The following IGSF5 variants were observed in gnomAD, a reference collection of about 807,000 sequenced individuals.
The protein encoded by IGSF5 is immunoglobulin superfamily member 5.
A neutral mutation model predicts 39.4 loss-of-function variants in IGSF5; 41 were observed. The observed-to-expected ratio is 1.04, with a 90% CI of 0.81 to 1.35. The LOEUF is 1.35. Ranked by LOEUF, IGSF5 falls within the 40% of genes most tolerant of loss-of-function variation. IGSF5 has a pLI of 0.00. For missense variants in IGSF5, 487 were observed against 494.6 expected (o/e 0.98, Z 0.15); for synonymous variants, 183 against 175.3 (o/e 1.04, Z -0.34).
the IGSF5 span, among the ~76,000 whole-genome samples, chr21:39,713,290 A>G: frequency 2.0e-5 from 3 of 152,308 alleles, no homozygotes; most frequent in East Asian, 3.9e-4. Context: ...CTGGTGCTCC[A>G]TCATGAGAAT....
rs1346542415 is a variant in IGSF5 at position 39,765,567 on chromosome 21, C to T, written c.133C>T (p.Pro45Ser). Residue 45 changes from proline (P) to serine (S), a missense_variant, in exon 3 of 9, where the codon CCC (proline) becomes TCC (serine). Transcript: ENST00000380588. ...SGSGNEVIEG[P>S]QNARVLKGSQ... ...GTCTGGTAATGAAGTCATAGAAGGC[C>T]CCCAAAATGCAAGAGTCCTGAAGGG... The T allele has an allele frequency of 3.1e-6, 5 of 1,613,860 alleles. No homozygotes were observed. Among genetic ancestry groups the T allele is most frequent in the African/African-American group, 1.3e-5 (1 of 74,992 alleles).
intron 6 of IGSF5, 127 bp downstream of exon 6, chr21:39,788,315 A>G (rs456818): frequency 0.8 from 543,363 of 681,170 alleles, 217,693 homozygotes; most frequent in Admixed American, 0.86. Context: ...ATTAAGTACC[A>G]GAGGTAGACA....
chr21:39,723,372 T>C, the IGSF5 span, among the ~76,000 whole-genome samples: 2 of 152,156 alleles, frequency 1.3e-5, no homozygotes, highest in African/African-American at 4.8e-5. Flanking sequence ...GTGCACCTGC[T>C]GAGAAGGGAA....
At position 39,779,303 on chromosome 21, in the gene IGSF5, G is replaced by A; in HGVS notation, c.932G>A (p.Arg311Lys). ...TGTTGTTTCTGCTGTAGAAGAAAAA[G>A]AGGTAATTTTTTTGTTCATTTACAT... Reference protein sequence around the residue: ...CRCCFCCRRKRGFRIQFQKKS... With the variant: ...CRCCFCCRRKKGFRIQFQKKS... Residue 311 changes from arginine (R) to lysine (K), a missense_variant and splice_region_variant, in exon 5 of 9, where the codon AGA becomes AAA. By Grantham distance (26) the Arg-to-Lys change is conservative. Transcript: ENST00000380588. 1 of 1,611,386 alleles carries A rather than the reference G, an allele frequency of 6.2e-7. No individual in the cohort carries two copies. Among genetic ancestry groups the A allele is most frequent in the Non-Finnish European group, 8.5e-7 (1 of 1,178,240 alleles).
At chr21:39,746,461 A>C (rs375789497) in intron 2 of IGSF5, among the ~76,000 whole-genome samples, 163 bp downstream of exon 2, 1 of 152,204 alleles carries the variant, frequency 6.6e-6, no homozygotes, top group Non-Finnish European at 1.5e-5. Context: ...CTTTTTCTCA[A>C]TTATCTTCAG....
At chr21:39,763,197 A>G (rs1472166748) in intron 2 of IGSF5, among the ~76,000 whole-genome samples, 2 of 152,174 alleles carry the variant, frequency 1.3e-5, no homozygotes, top group East Asian at 3.9e-4. Flanking sequence ...TTGTTCTAGC[A>G]AGGACATTAA....
intron 5 of IGSF5, among the ~76,000 whole-genome samples, chr21:39,783,316 T>A (rs143713069): frequency 6.6e-4 from 101 of 152,322 alleles, no homozygotes; most frequent in African/African-American, 2.3e-3. Context: ...ACTGTACTAA[T>A]TTACATTCCC....
intron 2 of IGSF5, among the ~76,000 whole-genome samples, chr21:39,759,877 A>C (rs2080052861): frequency 6.6e-6 from 1 of 151,676 alleles, no homozygotes; most frequent in Non-Finnish European, 1.5e-5. Flanking sequence ...AAAAAAAAAA[A>C]AAAAAAAGCT....
At chr21:39,774,955 A>G (rs73217286) in intron 4 of IGSF5, among the ~76,000 whole-genome samples, 13,143 of 152,272 alleles carry the variant, frequency 0.086, 617 homozygotes, top group South Asian at 0.16. Context: ...GGAGAAGAAT[A>G]GAGAAGTCCT....
chr21:39,793,305 T>G (rs1241089315), intron 7 of IGSF5, among the ~76,000 whole-genome samples: 2 of 152,206 alleles, frequency 1.3e-5, no homozygotes, highest in African/African-American at 4.8e-5. Flanking sequence ...AACTAATGTG[T>G]CGAGAAAGAA....
At chr21:39,727,396 T>C in the IGSF5 span, among the ~76,000 whole-genome samples, 3 of 152,184 alleles carry the variant, frequency 2.0e-5, no homozygotes, top group Non-Finnish European at 2.9e-5. Context: ...CTATGGTTGC[T>C]ACCAGGGGAC....
the IGSF5 span, among the ~76,000 whole-genome samples, chr21:39,715,895 G>C: frequency 2.0e-3 from 310 of 152,298 alleles, 4 homozygotes; most frequent in African/African-American, 7.0e-3. Flanking sequence ...GTGTGTGTGG[G>C]GGGGTGGCTG....
At chr21:39,714,410 GCT>G in the IGSF5 span, among the ~76,000 whole-genome samples, 5 of 152,150 alleles carry the variant, frequency 3.3e-5, no homozygotes, top group Admixed American at 2.6e-4. Context: ...TTTTTGCTTG[GCT>G]TACCCCACTG....
chr21:39,765,472 A>G, intron 2 of IGSF5, 63 bp from the exon 3 acceptor site: 1 of 1,470,156 alleles, frequency 6.8e-7, no homozygotes, highest in Admixed American at 1.7e-5. Flanking sequence ...GAAAGGTTAC[A>G]GCACACAGTT....
intron 2 of IGSF5, among the ~76,000 whole-genome samples, chr21:39,749,981 G>A (rs976969176): frequency 6.6e-6 from 1 of 152,200 alleles, no homozygotes; most frequent in Non-Finnish European, 1.5e-5. Flanking sequence ...GAAATTCAAC[G>A]GAACTGTTTT....
At chr21:39,786,835 A>C (rs74169473) in intron 5 of IGSF5, among the ~76,000 whole-genome samples, 2 of 152,180 alleles carry the variant, frequency 1.3e-5, no homozygotes, top group Non-Finnish European at 2.9e-5. Flanking sequence ...GGAAATCATC[A>C]TTCTCAGTAA....
At chr21:39,724,387 A>T in the IGSF5 span, among the ~76,000 whole-genome samples, 2 of 152,106 alleles carry the variant, frequency 1.3e-5, no homozygotes, top group Non-Finnish European at 2.9e-5. Context: ...CTGTGTCCCC[A>T]CCCAAATCTC....
intron 6 of IGSF5, 137 bp from the exon 7 acceptor site, chr21:39,791,871 G>C: frequency 3.2e-6 from 2 of 623,208 alleles, no homozygotes; most frequent in South Asian, 4.3e-5. Flanking sequence ...CAAAGCTATG[G>C]ACTTCCTGTG....
rs758594066 is a variant in IGSF5, at chr21:39,765,770, T to C, written c.336T>C (p.Asn112=). The change falls in exon 3 of 9, where the codon AAT becomes AAC. Residue 112 remains asparagine (N), a synonymous_variant. Transcript: ENST00000380588. ...GNFTSEMIIH[N]VEPSDSGNIR... ...TCACCTCGGAGATGATCATCCACAA[T>C]GTGGAGCCCAGTGATTCGGGGAACA... 4 of 1,614,040 alleles carry C rather than the reference T, an allele frequency of 2.5e-6. No individual in the cohort carries two copies. In the South Asian group the frequency reaches 4.4e-5, roughly 18 times the overall value.
Sources: gnomAD v4.1 joint callset for allele counts (sites outside exome capture counted in the v4.1 genomes callset) on GRCh38, gnomAD v4.1.1 for gene constraint, MANE v1.5 for transcripts, NCBI Gene and HGNC (gene_info 2026-07-23, HGNC 2026-07-21) for gene names.